The following ROBO2 variants were observed in gnomAD, a reference collection of about 807,000 sequenced individuals.
ROBO2 encodes roundabout homolog 2.
In ROBO2, 53 loss-of-function variants were observed where a neutral mutation model predicts 160.8. The observed-to-expected ratio is 0.33, with a 90% confidence interval of 0.26 to 0.41. The LOEUF (loss-of-function observed/expected upper bound fraction) is 0.41. Ranked by LOEUF, ROBO2 falls within the 10% of genes least tolerant of loss-of-function variation. The pLI, the probability that ROBO2 is intolerant of heterozygous loss-of-function variation, is 1.00. For missense variants in ROBO2, 1,577 were observed against 1,722.4 expected (o/e 0.92, Z 1.49); for synonymous variants, 664 against 611.7 (o/e 1.09, Z -1.26).
chr3:76,234,323 T>A (rs1704803270), intron 2 of ROBO2, among the ~76,000 whole-genome samples: 1 of 152,172 alleles, frequency 6.6e-6, no homozygotes, highest in Admixed American at 6.5e-5. Context: ...TATTCAATAG[T>A]GGAATTGTTG....
At chr3:75,933,617 A>G (rs996081784) in intron 1 of ROBO2, among the ~76,000 whole-genome samples, 1 of 152,112 alleles carries the variant, frequency 6.6e-6, no homozygotes, top group Non-Finnish European at 1.5e-5. Context: ...TGAAGACATT[A>G]CTTACCTAGT....
chr3:77,440,359 T>C (rs2079785252), intron 2 of ROBO2, among the ~76,000 whole-genome samples: 1 of 152,180 alleles, frequency 6.6e-6, no homozygotes. Flanking sequence ...CATTATTAAC[T>C]TGAGAGTCTT....
chr3:76,250,006 T>G (rs536042598), intron 2 of ROBO2, among the ~76,000 whole-genome samples: 3 of 152,184 alleles, frequency 2.0e-5, no homozygotes, highest in Admixed American at 2.0e-4. Context: ...TAAAGAAAAT[T>G]TCCCATGTTT....
chr3:77,293,454 G>A (rs1377995251), intron 2 of ROBO2, among the ~76,000 whole-genome samples: 1 of 147,666 alleles, frequency 6.8e-6, no homozygotes, highest in Admixed American at 6.7e-5. Flanking sequence ...AAGACATAAA[G>A]TAAAATTGAC....
At chr3:76,142,638 G>A (rs1365414448) in intron 2 of ROBO2, among the ~76,000 whole-genome samples, 1 of 151,942 alleles carries the variant, frequency 6.6e-6, no homozygotes, top group Non-Finnish European at 1.5e-5. Flanking sequence ...GACATAGAGA[G>A]TAGAAGGATG....
intron 2 of ROBO2, among the ~76,000 whole-genome samples, chr3:76,527,661 AC>A (rs1238316473): frequency 6.6e-6 from 1 of 152,154 alleles, no homozygotes; most frequent in African/African-American, 2.4e-5. Context: ...TTAAAAAAAT[AC>A]CCACTGACAT....
chr3:77,450,991 T>C (rs1288158224), intron 2 of ROBO2, among the ~76,000 whole-genome samples: 2 of 152,262 alleles, frequency 1.3e-5, no homozygotes, highest in East Asian at 3.9e-4. Flanking sequence ...ACCCTAGTTT[T>C]CTTGTACATT....
At chr3:76,114,869 T>C (rs1046971194) in intron 2 of ROBO2, among the ~76,000 whole-genome samples, 1 of 152,150 alleles carries the variant, frequency 6.6e-6, no homozygotes, top group Admixed American at 6.6e-5. Context: ...AAAAGTGCAA[T>C]CACTTTTCCA....
chr3:76,528,034 T>C (rs2082037498), intron 2 of ROBO2, among the ~76,000 whole-genome samples: 1 of 152,102 alleles, frequency 6.6e-6, no homozygotes, highest in South Asian at 2.1e-4. Context: ...TAAAGCCTCA[T>C]AGCTCACCAT....
intron 2 of ROBO2, among the ~76,000 whole-genome samples, chr3:76,945,165 C>T (rs913728555): frequency 1.3e-5 from 2 of 152,064 alleles, no homozygotes; most frequent in South Asian, 4.1e-4. Flanking sequence ...TGGCTTTTAA[C>T]AGCAGAATAT....
At chr3:77,145,838 T>G (rs1342973300) in intron 2 of ROBO2, among the ~76,000 whole-genome samples, 1 of 152,254 alleles carries the variant, frequency 6.6e-6, no homozygotes, top group Non-Finnish European at 1.5e-5. Flanking sequence ...CTTATTCATT[T>G]GTTCTTCAGT....
At chr3:77,535,318 C>G (rs2092023307) in intron 6 of ROBO2, among the ~76,000 whole-genome samples, 1 of 151,182 alleles carries the variant, frequency 6.6e-6, no homozygotes, top group Non-Finnish European at 1.5e-5. Flanking sequence ...CATGACAGTT[C>G]TGGCAAGTTG....
intron 2 of ROBO2, among the ~76,000 whole-genome samples, chr3:76,357,893 A>AAT (rs546122297): frequency 0.043 from 6,379 of 148,322 alleles, 365 homozygotes; most frequent in African/African-American, 0.13. Context: ...TAAACTTTAA[A>AAT]ATATATATAT....
chr3:77,442,245 G>T (rs1462189781), intron 2 of ROBO2, among the ~76,000 whole-genome samples: 1 of 151,972 alleles, frequency 6.6e-6, no homozygotes, highest in Non-Finnish European at 1.5e-5. Flanking sequence ...CCGGGAGGCA[G>T]AGTTTGCAGT....
chr3:77,598,161 C>T (rs1227049403), intron 19 of ROBO2, among the ~76,000 whole-genome samples: 1 of 151,938 alleles, frequency 6.6e-6, no homozygotes, highest in Non-Finnish European at 1.5e-5. Context: ...CCACTATAAG[C>T]CTTGATGGGT....
intron 2 of ROBO2, among the ~76,000 whole-genome samples, chr3:77,115,254 T>G (rs76284088): frequency 0.055 from 8,352 of 152,178 alleles, 362 homozygotes; most frequent in African/African-American, 0.12. Flanking sequence ...AGTAAAGTAA[T>G]TTAGAGAAAT....
intron 1 of ROBO2, among the ~76,000 whole-genome samples, chr3:77,097,278 T>G (rs984297914): frequency 6.6e-6 from 1 of 152,228 alleles, no homozygotes; most frequent in Non-Finnish European, 1.5e-5. Context: ...TTTTCATTCT[T>G]TACGGCTCAA....
intron 15 of ROBO2, among the ~76,000 whole-genome samples, chr3:77,579,514 A>T (rs921073489): frequency 2.0e-5 from 3 of 152,180 alleles, no homozygotes; most frequent in African/African-American, 7.2e-5. Flanking sequence ...TACAACTTAT[A>T]ATCACCATAT....
chr3:76,276,775 G>A (rs1289782225), intron 2 of ROBO2, among the ~76,000 whole-genome samples: 5 of 151,878 alleles, frequency 3.3e-5, no homozygotes, highest in Non-Finnish European at 5.9e-5. Flanking sequence ...ATAATAATGG[G>A]GTGATGATGT....
Sources: gnomAD v4.1 joint callset for allele counts (sites outside exome capture counted in the v4.1 genomes callset) on GRCh38, gnomAD v4.1.1 for gene constraint, MANE v1.5 for transcripts, NCBI Gene and HGNC (gene_info 2026-07-23, HGNC 2026-07-21) for gene names.